Variants in SPMIP2 observed in about 807,000 individuals in gnomAD.
The protein encoded by SPMIP2 is sperm microtubule inner protein 2.
chr4:158,962,986 T>A, the SPMIP2 span, among the ~76,000 whole-genome samples: 1 of 152,212 alleles, frequency 6.6e-6, no homozygotes, highest in Non-Finnish European at 1.5e-5. Context: ...TTTTAAATAA[T>A]CTGAATTAAT....
At chr4:158,897,002 C>T in the SPMIP2 span, among the ~76,000 whole-genome samples, 1 of 152,080 alleles carries the variant, frequency 6.6e-6, no homozygotes, top group Admixed American at 6.6e-5. Context: ...CCCAGCCCCC[C>T]ACCCGCCAAA....
the SPMIP2 span, among the ~76,000 whole-genome samples, chr4:159,053,050 G>A: frequency 2.9e-5 from 4 of 136,540 alleles, no homozygotes; most frequent in Admixed American, 7.5e-5. Flanking sequence ...TCCGCCTCCC[G>A]GGTTCACGCC....
the SPMIP2 span, among the ~76,000 whole-genome samples, chr4:158,935,737 G>A: frequency 6.6e-6 from 1 of 152,200 alleles, no homozygotes; most frequent in African/African-American, 2.4e-5. Flanking sequence ...TCTGGGAAAT[G>A]GGGTAAGAAG....
chr4:158,938,166 C>A, the SPMIP2 span, among the ~76,000 whole-genome samples: 2 of 152,126 alleles, frequency 1.3e-5, no homozygotes, highest in Non-Finnish European at 2.9e-5. Context: ...AAATCGCTCC[C>A]CGAAGAAGTA....
At chr4:158,962,861 T>G in the SPMIP2 span, among the ~76,000 whole-genome samples, 1 of 152,156 alleles carries the variant, frequency 6.6e-6, no homozygotes, top group African/African-American at 2.4e-5. Flanking sequence ...ATTTCTCTTG[T>G]TAAAGGAAAA....
chr4:158,915,715 C>CCTATCA, the SPMIP2 span, among the ~76,000 whole-genome samples: 5 of 152,180 alleles, frequency 3.3e-5, no homozygotes, highest in African/African-American at 1.2e-4. Context: ...AAGGACATGG[C>CCTATCA]CTATCCATTT....
At chr4:159,020,911 A>G in the SPMIP2 span, among the ~76,000 whole-genome samples, 543 of 152,054 alleles carry the variant, frequency 3.6e-3, 2 homozygotes, top group African/African-American at 0.012. Flanking sequence ...ACAGGCGCCC[A>G]CCACCACGCC....
the SPMIP2 span, among the ~76,000 whole-genome samples, chr4:158,983,073 G>C: frequency 6.6e-6 from 1 of 152,130 alleles, no homozygotes; most frequent in Non-Finnish European, 1.5e-5. Flanking sequence ...GATGGAAGAT[G>C]AAATGAATGA....
chr4:158,959,654 A>G, the SPMIP2 span, among the ~76,000 whole-genome samples: 1 of 152,228 alleles, frequency 6.6e-6, no homozygotes, highest in Non-Finnish European at 1.5e-5. Context: ...TAACAAAGAC[A>G]GTATTCAATC....
At chr4:159,068,702 A>T in the SPMIP2 span, among the ~76,000 whole-genome samples, 1 of 151,632 alleles carries the variant, frequency 6.6e-6, no homozygotes, top group Non-Finnish European at 1.5e-5. Flanking sequence ...AAAAAAATAA[A>T]AAAAAGAAAA....
chr4:158,910,827 A>G, the SPMIP2 span, among the ~76,000 whole-genome samples: 1,220 of 152,240 alleles, frequency 8.0e-3, 17 homozygotes, highest in African/African-American at 0.028. Context: ...AACTTCCACA[A>G]TCACAGGAGC....
chr4:159,012,828 C>T, the SPMIP2 span, among the ~76,000 whole-genome samples: 1 of 152,142 alleles, frequency 6.6e-6, no homozygotes, highest in Admixed American at 6.5e-5. Flanking sequence ...CCACCTCGGC[C>T]TCCCAAATTG....
At chr4:159,032,403 A>G in the SPMIP2 span, among the ~76,000 whole-genome samples, 33 of 152,358 alleles carry the variant, frequency 2.2e-4, no homozygotes, top group East Asian at 6.0e-3. Context: ...AAGTATTCAT[A>G]CAAATTTGTA....
chr4:158,935,034 A>G, the SPMIP2 span, among the ~76,000 whole-genome samples: 106,902 of 152,134 alleles, frequency 0.7, 37,792 homozygotes, highest in East Asian at 0.9. Context: ...GTCATTGCCT[A>G]TTAGAATTAA....
At chr4:158,957,989 CTGT>C in the SPMIP2 span, among the ~76,000 whole-genome samples, 3 of 152,106 alleles carry the variant, frequency 2.0e-5, no homozygotes, top group South Asian at 2.1e-4. Context: ...ACAGTATGGT[CTGT>C]TGTTATTTAT....
chr4:159,074,224 T>A, the SPMIP2 span, among the ~76,000 whole-genome samples: 2 of 152,122 alleles, frequency 1.3e-5, no homozygotes, highest in Non-Finnish European at 2.9e-5. Flanking sequence ...TTTAGTTGCA[T>A]GTGACAGAAA....
At chr4:158,906,206 T>TG in the SPMIP2 span, 1 of 152,178 alleles carries the variant, frequency 6.6e-6, no homozygotes, top group African/African-American at 2.4e-5. Context: ...CATCATTGTT[T>TG]GCTGTTGTGT....
At chr4:159,007,060 T>C in the SPMIP2 span, 2 of 489,816 alleles carry the variant, frequency 4.1e-6, no homozygotes, top group Admixed American at 5.0e-5. Context: ...AAAATGTATT[T>C]AAAATATATT....
the SPMIP2 span, among the ~76,000 whole-genome samples, chr4:159,018,203 C>G: frequency 5.3e-5 from 8 of 152,198 alleles, no homozygotes; most frequent in Non-Finnish European, 7.3e-5. Flanking sequence ...GACGTGGCAG[C>G]TGCCTCACTG....
Sources: allele counts gnomAD v4.1 joint callset (sites outside exome capture counted in the v4.1 genomes callset), GRCh38; gene constraint gnomAD v4.1.1; transcripts MANE v1.5; gene names NCBI Gene and HGNC (gene_info 2026-07-23, HGNC 2026-07-21).